Variants in ERN2 observed in about 807,000 individuals in gnomAD.
The protein encoded by ERN2 is serine/threonine-protein kinase/endoribonuclease IRE2.
A neutral mutation model predicts 107.9 loss-of-function variants in ERN2; 111 were observed. The observed-to-expected ratio is 1.03, with a 90% CI of 0.88 to 1.20. ERN2 has a LOEUF of 1.20. ERN2 is among the 50% of genes most tolerant of loss of function. The pLI is 0.00. For synonymous variants in ERN2, 524 were observed against 501.7 expected, an observed-to-expected ratio of 1.04 and a Z score of -0.59; for missense variants, 1,225 against 1,197.9, an observed-to-expected ratio of 1.02 and a Z score of -0.33.
chr16:23,711,906 GT>G (rs1195069178), intron 1 of ERN2: 3 of 228,970 alleles, frequency 1.3e-5, no homozygotes, highest in African/African-American at 7.0e-5. Context: ...CCAGGCTCCA[GT>G]GGGTCCCTTG....
chr16:23,696,096 G>T, intron 13 of ERN2, 118 bp from the exon 14 acceptor site: 1 of 731,834 alleles, frequency 1.4e-6, no homozygotes, highest in East Asian at 2.7e-5. Flanking sequence ...TCAGCCTGGT[G>T]CAGTGGGTAA....
chr16:23,692,424 G>A (rs1959638833), intron 17 of ERN2, 93 bp from the exon 18 acceptor site: 2 of 1,423,370 alleles, frequency 1.4e-6, no homozygotes, highest in African/African-American at 1.4e-5. Context: ...AGCTGCCAGG[G>A]GTTTGGCTCA....
Position 23,694,939 on chromosome 16 carries a change from G to A in ERN2, c.1901-12C>T. 2 of 1,614,110 alleles carry A rather than the reference G, an allele frequency of 1.2e-6. No individual in the cohort carries two copies. The highest frequency in any genetic ancestry group is 1.7e-6 in the Non-Finnish European group (2 of 1,179,958). ...CAGGTCCCGGTGCACTGTGGGAGAG[G>A]GGCAGAAAGAAAGCTGGTTGCTGAG... On this transcript the variant is annotated splice_polypyrimidine_tract_variant and intron_variant, in intron 16 of 21. Coordinates refer to ENST00000256797, the MANE Select transcript of ERN2 (RefSeq NM_033266.4).
In ERN2 at chr16:23,702,391, A is replaced by G. The variant is rs1278477455; in HGVS notation, c.1080T>C (p.Ile360=). 5 of 1,612,982 alleles carry G rather than the reference A, an allele frequency of 3.1e-6. No homozygotes were observed. The highest frequency in any genetic ancestry group is 4.2e-6 in the Non-Finnish European group (5 of 1,179,550). Residue 360 remains isoleucine, a splice_region_variant and synonymous_variant, in exon 10 of 22, where the codon ATT becomes ATC. Coordinates refer to ENST00000256797, the MANE Select transcript of ERN2 (RefSeq NM_033266.4). ...CCAATTTGAGCCAGAGGATCTCACC[A>G]ATGAGCAGCCACTGGCTTGGGAGGG... ...SVALPSQWLL[I]GHHELPPVLH... is the part of the protein sequence containing the mutation.
At chr16:23,691,558 G>T in intron 19 of ERN2, 133 bp from the exon 20 acceptor site, 1 of 1,079,592 alleles carries the variant, frequency 9.3e-7, no homozygotes, top group Non-Finnish European at 1.3e-6. Flanking sequence ...GCTTCTCTGT[G>T]CCACGCCTCT....
In ERN2 at chr16:23,707,053, C is replaced by A; in HGVS notation, c.333G>T (p.Leu111=). ...LMKLPFTIPE[L]VHASPCRSSD... ...AGCTGCGGCAGGGAGAGGCATGAAC[C>A]AGCTCAGGGATGGTGAATGGCAGTT... The change falls in exon 5 of 22, where the codon CTG becomes CTT. Residue 111 remains leucine, a synonymous_variant. Transcript: ENST00000256797. 1 of 1,614,134 alleles carries A rather than the reference C, an allele frequency of 6.2e-7. No individual in the cohort carries two copies. Among genetic ancestry groups the A allele is most frequent in the East Asian group, 2.2e-5 (1 of 44,890 alleles).
chr16:23,705,023 G>C lies in ERN2; in HGVS notation c.714C>G (p.Asp238Glu). ...TGAGATGCGGCAGCTGGCGCAGGCC[G>C]TCCTGGTGCCAGGTGTAGACGCCCA... ...PVMGVYTWHQ[D>E]GLRQLPHLTL... The change falls in exon 8 of 22, where the codon GAC becomes GAG. Residue 238 changes from aspartate (D) to glutamate (E), a missense_variant. Transcript: ENST00000256797. 2 of 1,613,956 alleles carry C rather than the reference G, an allele frequency of 1.2e-6. No homozygotes were observed. The highest frequency in any genetic ancestry group is 1.7e-6 in the Non-Finnish European group (2 of 1,180,022).
chr16:23,705,654 C>G (rs752777846), intron 7 of ERN2, among the ~76,000 whole-genome samples: 1 of 152,010 alleles, frequency 6.6e-6, no homozygotes, highest in African/African-American at 2.4e-5. Context: ...GGCTTATGCT[C>G]GTAATCCCAG....
intron 13 of ERN2, 24 bp downstream of exon 13, chr16:23,700,515 C>G: frequency 6.3e-7 from 1 of 1,595,086 alleles, no homozygotes; most frequent in African/African-American, 1.4e-5. Context: ...TCCTGACTGC[C>G]CTGTCTTGTT....
Position 23,690,975 on chromosome 16 carries a change from G to C in ERN2, c.2637C>G (p.Val879=), listed in dbSNP as rs1959564904. Residue 879 remains valine (V), a synonymous_variant, in exon 22 of 22, where the codon GTC becomes GTG. Coordinates refer to ENST00000256797, the MANE Select transcript of ERN2 (RefSeq NM_033266.4). ...GTGGGAAGCGGTTTGTGAAGTACTG[G>C]ACGAAGCCATCAGGGACTTGGCCGA... is the stretch of plus-strand genomic sequence containing the variant. ...QALGQVPDGF[V]QYFTNRFPRL... is the part of the protein sequence containing the mutation. The C allele has an allele frequency of 1.2e-6, 2 of 1,614,058 alleles. No individual in the cohort carries two copies. The highest frequency in any genetic ancestry group is 2.7e-5 in the African/African-American group (2 of 74,928).
intron 3 of ERN2, 45 bp downstream of exon 3, chr16:23,710,471 C>T: frequency 6.3e-7 from 1 of 1,597,628 alleles, no homozygotes; most frequent in South Asian, 1.1e-5. Flanking sequence ...ATGAGTCCCC[C>T]ATCTCCCAGA....
intron 13 of ERN2, among the ~76,000 whole-genome samples, chr16:23,699,505 C>T (rs762745133): frequency 6.6e-6 from 1 of 152,210 alleles, no homozygotes; most frequent in African/African-American, 2.4e-5. Flanking sequence ...CTCACTGCAG[C>T]CTCGACCTTC....
Position 23,695,127 on chromosome 16 carries a change from C to T in ERN2, c.1801-9G>A. 1.2e-6 allele frequency: 2 copies of T among 1,614,052 alleles called. No individual in the cohort carries two copies. Among genetic ancestry groups the T allele is most frequent in the Non-Finnish European group, 1.7e-6 (2 of 1,179,922 alleles). On this transcript the variant is annotated splice_polypyrimidine_tract_variant and intron_variant, in intron 15 of 21. Transcript: ENST00000256797. ...TCCGGGTTTTCTACGTACTGAGCAG[C>T]AGCAAGGGCCAAAGCATCACTCTCC...
intron 17 of ERN2, 71 bp downstream of exon 17, chr16:23,694,657 A>AACTGGGACAGGG: frequency 7.6e-7 from 1 of 1,318,948 alleles, no homozygotes. Context: ...TCAGGAGGGG[A>AACTGGGACAGGG]ACTGGGACAG....
intron 2 of ERN2, 149 bp downstream of exon 2, chr16:23,710,764 A>C: frequency 1.2e-6 from 1 of 814,386 alleles, no homozygotes; most frequent in Non-Finnish European, 2.0e-6. Context: ...TGGGTTTCTC[A>C]AGGCCACACA....
In ERN2 at chr16:23,702,144, G is replaced by A. The variant is rs768870145; in HGVS notation, c.1203+8C>T. 3 of 1,611,464 alleles carry A rather than the reference G, an allele frequency of 1.9e-6. No individual in the cohort carries two copies. The highest frequency in any genetic ancestry group is 2.5e-6 in the Non-Finnish European group (3 of 1,179,212). Reference sequence around the variant, plus strand: ...CCTACCCCCACTCTCTCCCCTCCCAGCACTGACCTCCAAGAAGAAGGCTGG... The same window carrying A: ...CCTACCCCCACTCTCTCCCCTCCCAACACTGACCTCCAAGAAGAAGGCTGG... On this transcript the variant is annotated splice_region_variant and intron_variant, in intron 11 of 21. Transcript: ENST00000256797.
Position 23,700,713 on chromosome 16 carries a change from T to C in ERN2, c.1360-9A>G. The C allele has an allele frequency of 6.2e-7, 1 of 1,609,606 alleles. No individual in the cohort carries two copies. The highest frequency in any genetic ancestry group is 8.5e-7 in the Non-Finnish European group (1 of 1,177,880). Reference sequence around the variant, plus strand: ...ACCACCTGCGGCTGTTGCTGTAACATGAGAGCCTAAGAGAGCTTTGTCCTG... The same window carrying C: ...ACCACCTGCGGCTGTTGCTGTAACACGAGAGCCTAAGAGAGCTTTGTCCTG... On this transcript the variant is annotated splice_polypyrimidine_tract_variant and intron_variant, in intron 12 of 21. Transcript: ENST00000256797.
Position 23,690,830 on chromosome 16 carries a change from C to T in ERN2, c.*1G>A, listed in dbSNP as rs762561503. On this transcript the variant is annotated 3_prime_UTR_variant, in exon 22 of 22. Transcript: ENST00000256797. Reference sequence around the variant, plus strand: ...ACCATCTGTGTGGCATCCAGCCCACCTCACCTCCCTGTGGCCCCAGGGCAT... The same window carrying T: ...ACCATCTGTGTGGCATCCAGCCCACTTCACCTCCCTGTGGCCCCAGGGCAT... 1.2e-6 allele frequency: 2 copies of T among 1,608,874 alleles called. No homozygotes were observed. Among genetic ancestry groups the T allele is most frequent in the East Asian group, 2.2e-5 (1 of 44,870 alleles).
intron 8 of ERN2, 101 bp from the exon 9 acceptor site, chr16:23,702,803 ACT>A (rs1960143186): frequency 3.0e-6 from 3 of 1,012,342 alleles, no homozygotes; most frequent in South Asian, 2.7e-5. Context: ...TCTCACATTG[ACT>A]CAGCTTAGCC....
Sources: gnomAD v4.1 joint callset for allele counts (sites outside exome capture counted in the v4.1 genomes callset) on GRCh38, gnomAD v4.1.1 for gene constraint, MANE v1.5 for transcripts, NCBI Gene and HGNC (gene_info 2026-07-23, HGNC 2026-07-21) for gene names.